DNAH6: variants seen among roughly 807,000 people sequenced by gnomAD.
DNAH6 encodes the protein dynein axonemal heavy chain 6, also known as axonemal beta dynein heavy chain 6.
Under a neutral mutation model 491.4 loss-of-function variants are expected in DNAH6, and 340 were observed. The observed-to-expected ratio is 0.69, with a 90% CI of 0.63 to 0.76. DNAH6 has a LOEUF of 0.76. Among genes scored for constraint, DNAH6 ranks in the 30% least tolerant of loss-of-function variants. The pLI is 0.00. For synonymous variants in DNAH6, 1,603 were observed against 1,686.1 expected, an observed-to-expected ratio of 0.95 and a Z score of 1.21; for missense variants, 4,443 against 4,972.2, an observed-to-expected ratio of 0.89 and a Z score of 3.20.
At chr2:84,499,497 C>A in the DNAH6 span, among the ~76,000 whole-genome samples, 1 of 152,294 alleles carries the variant, frequency 6.6e-6, no homozygotes, top group African/African-American at 2.4e-5. Flanking sequence ...AGTGCTGGAA[C>A]AAACATAGGA....
At position 84,606,997 on chromosome 2, in the gene DNAH6, A is replaced by G. The variant is rs939176858; in HGVS notation, c.3196A>G (p.Ile1066Val). Residue 1066 changes from isoleucine (I) to valine (V), a missense_variant, in exon 21 of 77, where the codon ATC becomes GTC. This residue lies in a region of DNAH6 where 2,977 missense variants were observed against 3,296.6 expected (regional missense o/e 0.90). Coordinates refer to ENST00000389394, the MANE Select transcript of DNAH6 (RefSeq NM_001370.2). ...DIQVLLDDSTINVATLASSRY... is the reference protein window; with the variant it reads ...DIQVLLDDSTVNVATLASSRY... ...AAAGGTCCTTCTTGATGATAGCACC[A>G]TCAATGTTGCAACTCTTGCCTCATC... The G allele has an allele frequency of 2.6e-6, 4 of 1,551,308 alleles. No homozygotes were observed. In the South Asian group the frequency reaches 3.6e-5, roughly 14 times the overall value.
the DNAH6 span, among the ~76,000 whole-genome samples, chr2:84,503,780 C>T: frequency 6.6e-6 from 1 of 151,744 alleles, no homozygotes; most frequent in East Asian, 1.9e-4. Flanking sequence ...TGTATTGAAG[C>T]TCCATTGTAT....
upstream of DNAH6, among the ~76,000 whole-genome samples, chr2:84,513,799 G>A (rs912337132): frequency 6.6e-6 from 1 of 152,080 alleles, no homozygotes; most frequent in Non-Finnish European, 1.5e-5. Context: ...CATAGGTAGT[G>A]TAAATGAAAA....
intron 40 of DNAH6, 121 bp downstream of exon 40, chr2:84,672,605 T>C: frequency 1.1e-6 from 1 of 902,696 alleles, no homozygotes; most frequent in Non-Finnish European, 1.7e-6. Flanking sequence ...ACAACAGAAA[T>C]TTATTTTCTC....
intron 46 of DNAH6, among the ~76,000 whole-genome samples, chr2:84,696,870 T>A (rs1445256698): frequency 6.6e-6 from 1 of 152,120 alleles, no homozygotes; most frequent in African/African-American, 2.4e-5. Context: ...ATGCAGGTGG[T>A]TGCAAAGTTT....
chr2:84,590,732 A>G (rs1195692509), intron 16 of DNAH6, among the ~76,000 whole-genome samples: 6 of 152,192 alleles, frequency 3.9e-5, no homozygotes, highest in Non-Finnish European at 7.3e-5. Context: ...GGAAGCCAGT[A>G]GAATAATTCC....
At chr2:84,552,895 C>A in intron 9 of DNAH6, 23 bp from the exon 10 acceptor site, 1 of 1,417,206 alleles carries the variant, frequency 7.1e-7, no homozygotes, top group Non-Finnish European at 9.8e-7. Context: ...GTCTTTATAA[C>A]ACTGTACATA....
intron 63 of DNAH6, among the ~76,000 whole-genome samples, chr2:84,755,130 C>T (rs1329099998): frequency 6.6e-6 from 1 of 152,168 alleles, no homozygotes; most frequent in African/African-American, 2.4e-5. Context: ...ATCCCCAGTA[C>T]AGCAGTGTTA....
At chr2:84,691,543 G>A (rs1171604000) in intron 45 of DNAH6, among the ~76,000 whole-genome samples, 3 of 152,168 alleles carry the variant, frequency 2.0e-5, no homozygotes, top group Non-Finnish European at 4.4e-5. Flanking sequence ...TAGAGGAGTT[G>A]GCCAAAAGTT....
At chr2:84,479,851 C>T in the DNAH6 span, among the ~76,000 whole-genome samples, 1 of 152,230 alleles carries the variant, frequency 6.6e-6, no homozygotes, top group Non-Finnish European at 1.5e-5. Context: ...CCAAAGCTAC[C>T]AGGTTATGGA....
At chr2:84,489,103 C>T in the DNAH6 span, among the ~76,000 whole-genome samples, 1 of 152,158 alleles carries the variant, frequency 6.6e-6, no homozygotes, top group African/African-American at 2.4e-5. Context: ...ATAACTTCAA[C>T]AGTGTGCATA....
the DNAH6 span, among the ~76,000 whole-genome samples, chr2:84,464,850 CT>C: frequency 6.6e-6 from 1 of 152,138 alleles, no homozygotes; most frequent in East Asian, 1.9e-4. Context: ...CTATCTCATC[CT>C]GTAACTTAGA....
intron 29 of DNAH6, 47 bp from the exon 30 acceptor site, chr2:84,634,457 A>G: frequency 7.1e-7 from 1 of 1,412,176 alleles, no homozygotes; most frequent in Non-Finnish European, 9.3e-7. Context: ...TTTTTGAAGG[A>G]GCTGAACTAC....
chr2:84,570,192 T>C (rs1374045383), intron 11 of DNAH6, among the ~76,000 whole-genome samples: 4 of 152,190 alleles, frequency 2.6e-5, no homozygotes, highest in Admixed American at 2.6e-4. Context: ...CAAATAACAA[T>C]GGAGACATGT....
chr2:84,548,726 C>G (rs1219871503), intron 8 of DNAH6, among the ~76,000 whole-genome samples: 1 of 152,076 alleles, frequency 6.6e-6, no homozygotes, highest in African/African-American at 2.4e-5. Flanking sequence ...CCCAGAAGAC[C>G]CCCTTTTCAA....
intron 63 of DNAH6, among the ~76,000 whole-genome samples, chr2:84,761,908 C>T (rs1674625150): frequency 6.6e-6 from 1 of 152,104 alleles, no homozygotes; most frequent in Admixed American, 6.6e-5. Flanking sequence ...GCAGGATGTC[C>T]ACTGAATAAC....
In DNAH6 at chr2:84,637,122, T is replaced by G. The variant is rs114963990; in HGVS notation, c.4654-88T>G. 740 of 1,166,364 alleles carry G rather than the reference T, an allele frequency of 6.3e-4. No individual in the cohort carries two copies. The African/African-American group carries it at 9.8e-3, about 15-fold the overall frequency. The allele number at this position is 1,166,364 out of a possible 1,614,324, so 72.3% of individuals were successfully genotyped here. A position where few individuals can be genotyped will look rare whatever the true frequency, so the allele number is the denominator to read the frequency against. ...AGTAGTCTTTGCTTTAGTGCTTCAT[T>G]ACATGAGTCTTGTATTCGAGTAATA... On this transcript the variant is annotated intron_variant, in intron 30 of 76. Transcript: ENST00000389394.
chr2:84,703,498 C>A lies in DNAH6; in HGVS notation c.8165C>A (p.Ala2722Glu). ...TCAGCTTTAGAGCCTGTACTTTTAG[C>A]AAAATCAGAAGATGTTGAAGCCCTG... ...DLSALEPVLLAKSEDVEALME... is the reference protein window; with the variant it reads ...DLSALEPVLLEKSEDVEALME... Residue 2722 changes from alanine to glutamate, a missense_variant, in exon 50 of 77, where the codon GCA (alanine) becomes GAA (glutamate). Transcript: ENST00000389394. The A allele has an allele frequency of 1.9e-6, 3 of 1,551,350 alleles. No individual in the cohort carries two copies. The highest frequency in any genetic ancestry group is 2.6e-6 in the Non-Finnish European group (3 of 1,146,768).
In DNAH6 at chr2:84,808,527, G is replaced by C; in HGVS notation, c.11724G>C (p.Leu3908=). Residue 3908 remains leucine, a synonymous_variant, in exon 72 of 77, where the codon CTG becomes CTC. Transcript: ENST00000389394. ...AGGAAGTGGACCGGTTTAACAACCT[G>C]CTGAAGTTAATTCATGTATGAGAGC... ...LGQEVDRFNN[L]LKLIHTSLET... 6.4e-7 allele frequency: 1 copy of C among 1,551,734 alleles called. No individual in the cohort carries two copies. Among genetic ancestry groups the C allele is most frequent in the Non-Finnish European group, 8.7e-7 (1 of 1,146,946 alleles).
Sources: gnomAD v4.1 joint callset for allele counts (sites outside exome capture counted in the v4.1 genomes callset) on GRCh38, gnomAD v4.1.1 for gene constraint, gnomAD v4.1.1 regional missense constraint, MANE v1.5 for transcripts, NCBI Gene and HGNC (gene_info 2026-07-23, HGNC 2026-07-21) for gene names.